Variants in PAFAH2 observed in about 807,000 individuals in gnomAD.
PAFAH2 encodes platelet-activating factor acetylhydrolase 2, cytoplasmic.
PAFAH2 carries 42 observed loss-of-function variants against 49.0 expected under a neutral mutation model. The ratio of observed to expected loss-of-function variants is 0.86; its 90% confidence interval spans 0.67 to 1.11. The LOEUF (loss-of-function observed/expected upper bound fraction) is 1.11. Among genes scored for constraint, PAFAH2 ranks in the 50% least tolerant of loss-of-function variants. The probability of loss-of-function intolerance (pLI) is 0.00; values close to 1 mark genes in which losing one functional copy is unlikely to be tolerated. For synonymous variants in PAFAH2, 184 were observed against 181.3 expected (o/e 1.01, Z -0.12); for missense variants, 503 against 501.8 (o/e 1.00, Z -0.02).
At chr1:25,976,625 T>C (rs1033577498) in intron 8 of PAFAH2, 57 bp downstream of exon 8, 1 of 1,265,330 alleles carries the variant, frequency 7.9e-7, no homozygotes, top group African/African-American at 1.5e-5. Flanking sequence ...ACAAATACTT[T>C]CTAAATGAAT....
chr1:25,963,989 G>C (rs298450), intron 10 of PAFAH2, among the ~76,000 whole-genome samples: 23,685 of 152,210 alleles, frequency 0.16, 2,123 homozygotes, highest in East Asian at 0.24. Flanking sequence ...TGTGGTGAGA[G>C]TGAAGTGAGC....
At position 25,976,721 on chromosome 1, in the gene PAFAH2, G is replaced by T. The variant is rs201173899; in HGVS notation, c.719C>A (p.Ala240Asp). 1.9e-6 allele frequency: 3 copies of T among 1,614,158 alleles called. No individual in the cohort carries two copies. The highest frequency in any genetic ancestry group is 2.2e-5 in the South Asian group (2 of 91,072). Residue 240 changes from alanine (A) to aspartate (D), a missense_variant, in exon 8 of 11, where the codon GCC becomes GAC. Physicochemically the swap from Ala to Asp is moderately radical, Grantham distance 126. Transcript: ENST00000374282. ...CTTGGCCAAAGCCAGAATAGCTGTGGCCCCTCCAAATGAATGTCCCATCAC... is the reference window on the plus strand; with the variant it reads ...CTTGGCCAAAGCCAGAATAGCTGTGTCCCCTCCAAATGAATGTCCCATCAC... ...VAVMGHSFGGATAILALAKET... is the reference protein window; with the variant it reads ...VAVMGHSFGGDTAILALAKET...
At chr1:25,973,929 T>A (rs898435891) in intron 9 of PAFAH2, among the ~76,000 whole-genome samples, 2 of 152,172 alleles carry the variant, frequency 1.3e-5, no homozygotes, top group African/African-American at 4.8e-5. Flanking sequence ...TAAAAATGTT[T>A]TTTTCCCTGT....
Position 25,982,483 on chromosome 1 carries a change from A to G in PAFAH2, c.553-6T>C. ...TCGCTTACCCGCTGATGCACCTGCAACAGAGACAGTCCCAGTGGGACTGGA... is the reference window on the plus strand; with the variant it reads ...TCGCTTACCCGCTGATGCACCTGCAGCAGAGACAGTCCCAGTGGGACTGGA... On this transcript the variant is annotated splice_region_variant and splice_polypyrimidine_tract_variant and intron_variant, in intron 6 of 10. Transcript: ENST00000374282. 1.2e-6 allele frequency: 2 copies of G among 1,600,794 alleles called. No homozygotes were observed. The highest frequency in any genetic ancestry group is 1.7e-6 in the Non-Finnish European group (2 of 1,168,020).
At chr1:25,965,785 T>A in intron 10 of PAFAH2, among the ~76,000 whole-genome samples, 1 of 110,266 alleles carries the variant, frequency 9.1e-6, no homozygotes, top group African/African-American at 3.6e-5. Context: ...ACCACTGCAC[T>A]CCAGCCTGGG....
chr1:25,966,891 G>A (rs1263733391), intron 10 of PAFAH2, among the ~76,000 whole-genome samples: 4 of 151,982 alleles, frequency 2.6e-5, no homozygotes, highest in African/African-American at 9.7e-5. Flanking sequence ...AATTAGTCGG[G>A]CCTGGTGGTG....
At chr1:25,968,705 T>C (rs2049464608) in intron 10 of PAFAH2, among the ~76,000 whole-genome samples, 1 of 152,180 alleles carries the variant, frequency 6.6e-6, no homozygotes. Flanking sequence ...TTTGTAAAGC[T>C]AATTTGCCCA....
rs371059181 is a variant in PAFAH2 at position 25,961,830 on chromosome 1, GA to G, written c.*158del. 3.2e-4 allele frequency: 180 copies of G among 570,610 alleles called. 2 individuals carry two copies. The South Asian group carries it at 4.7e-3, about 15-fold the overall frequency. The allele number at this position is 570,610 out of a possible 1,614,324, so 35.3% of individuals were successfully genotyped here. On this transcript the variant is annotated 3_prime_UTR_variant, in exon 11 of 11. Coordinates refer to ENST00000374282, the MANE Select transcript of PAFAH2 (RefSeq NM_000437.4). ...AAAGTGATTTTAAGATCAAATCTAA[GA>G]TCAAAGTACCCAGTTATCCAAGCAG...
At chr1:25,993,461 A>G (rs959880339) in intron 1 of PAFAH2, among the ~76,000 whole-genome samples, 8 of 152,176 alleles carry the variant, frequency 5.3e-5, no homozygotes, top group African/African-American at 1.9e-4. Flanking sequence ...CAGAGTCACA[A>G]GCAGAACGAT....
intron 3 of PAFAH2, among the ~76,000 whole-genome samples, chr1:25,989,010 C>T (rs150628722): frequency 7.2e-5 from 11 of 152,072 alleles, no homozygotes; most frequent in South Asian, 2.1e-4. Context: ...GGAAACTGTA[C>T]GCTCCTTGAC....
rs1051378027 is a variant in PAFAH2, at chr1:25,960,350, A to G, written c.*1639T>C. ...TCTTACCTACTTGGACTGAGGCACG[A>G]AGTCTTGAGTAGTGGAGAAGAGAGT... On this transcript the variant is annotated 3_prime_UTR_variant, in exon 11 of 11. Coordinates refer to ENST00000374282, the MANE Select transcript of PAFAH2 (RefSeq NM_000437.4). 1 of 152,630 alleles carries G rather than the reference A, an allele frequency of 6.6e-6. No homozygotes were observed. Among genetic ancestry groups the G allele is most frequent in the African/African-American group, 2.4e-5 (1 of 41,424 alleles). The allele number at this position is 152,630 out of a possible 1,614,324, so 9.5% of individuals were successfully genotyped here.
intron 10 of PAFAH2, among the ~76,000 whole-genome samples, chr1:25,971,855 T>C (rs2049514206): frequency 6.6e-6 from 1 of 152,174 alleles, no homozygotes; most frequent in Admixed American, 6.5e-5. Context: ...CCATGCTTTG[T>C]TTCTTTAAAA....
intron 8 of PAFAH2, 86 bp from the exon 9 acceptor site, chr1:25,974,736 C>A: frequency 7.5e-7 from 1 of 1,328,134 alleles, no homozygotes; most frequent in Non-Finnish European, 1.0e-6. Context: ...GGAGTTCCTC[C>A]CTCTGGTGGG....
At chr1:25,977,315 A>G (rs947504866) in intron 7 of PAFAH2, among the ~76,000 whole-genome samples, 1 of 150,904 alleles carries the variant, frequency 6.6e-6, no homozygotes, top group African/African-American at 2.4e-5. Context: ...TACTTTTGTA[A>G]TCTCACCACC....
chr1:25,997,865 G>GGAGC (rs2049958090), intron 1 of PAFAH2, among the ~76,000 whole-genome samples, 160 bp downstream of exon 1: 1 of 152,124 alleles, frequency 6.6e-6, no homozygotes, highest in African/African-American at 2.4e-5. Context: ...GAGGGTCAAG[G>GGAGC]GAGCGGGTGG....
At chr1:25,967,615 G>C (rs1182823947) in intron 10 of PAFAH2, among the ~76,000 whole-genome samples, 2 of 152,206 alleles carry the variant, frequency 1.3e-5, no homozygotes, top group Non-Finnish European at 2.9e-5. Flanking sequence ...AGCTAGCATT[G>C]TGAAGGTCAC....
At chr1:25,973,450 A>G (rs1353561796) in intron 9 of PAFAH2, among the ~76,000 whole-genome samples, 1 of 152,210 alleles carries the variant, frequency 6.6e-6, no homozygotes, top group Non-Finnish European at 1.5e-5. Flanking sequence ...GGTGTATAGA[A>G]TAATATATGG....
chr1:25,975,169 T>C (rs1333363691), intron 8 of PAFAH2, among the ~76,000 whole-genome samples: 1 of 152,148 alleles, frequency 6.6e-6, no homozygotes, highest in African/African-American at 2.4e-5. Flanking sequence ...CCAAGAGCAA[T>C]ATTATGGGCC....
chr1:25,984,855 T>C (rs1216512052), intron 4 of PAFAH2, among the ~76,000 whole-genome samples: 1 of 146,914 alleles, frequency 6.8e-6, no homozygotes, highest in Non-Finnish European at 1.5e-5. Context: ...CTTTTTTTTT[T>C]TTTTTTTTTT....
Sources: gnomAD v4.1 joint callset for allele counts (sites outside exome capture counted in the v4.1 genomes callset) on GRCh38, gnomAD v4.1.1 for gene constraint, MANE v1.5 for transcripts, NCBI Gene and HGNC (gene_info 2026-07-23, HGNC 2026-07-21) for gene names.